Variants in DNAH6 observed in about 807,000 individuals in gnomAD.
DNAH6 encodes the protein dynein axonemal heavy chain 6, also known as axonemal beta dynein heavy chain 6.
A neutral mutation model predicts 491.4 loss-of-function variants in DNAH6; 340 were observed. The ratio of observed to expected loss-of-function variants is 0.69; its 90% CI spans 0.63 to 0.76. The LOEUF (loss-of-function observed/expected upper bound fraction) is 0.76, where lower values mean the gene tolerates loss of function less well. Among genes scored for constraint, DNAH6 ranks in the 30% least tolerant of loss-of-function variants. DNAH6 has a pLI of 0.00. For missense variants in DNAH6, 4,443 were observed against 4,972.2 expected (o/e 0.89, Z 3.20); for synonymous variants, 1,603 against 1,686.1 (o/e 0.95, Z 1.21).
intron 58 of DNAH6, among the ~76,000 whole-genome samples, chr2:84,716,120 CACATATAT>C (rs1273813360): frequency 2.7e-5 from 4 of 149,506 alleles, no homozygotes; most frequent in Non-Finnish European, 5.9e-5. Context: ...TATATATATA[CACATATAT>C]ACATATATAC....
At position 84,528,935 on chromosome 2, in the gene DNAH6, C is replaced by T. The variant is rs1053432608; in HGVS notation, c.431C>T (p.Pro144Leu). The change falls in exon 4 of 77, where the codon CCC becomes CTC. Residue 144 changes from proline (P) to leucine (L), a missense_variant. Pro to Leu is a moderately conservative substitution (Grantham distance 98). Around this residue, in one of 3 missense-constraint regions of DNAH6, gnomAD observed 2,977 missense variants for 3,296.6 expected, o/e 0.90. Coordinates refer to ENST00000389394, the MANE Select transcript of DNAH6 (RefSeq NM_001370.2). ...IHRPYVEVFS[P>L]SPPKLPHTGI... ...CGGCCCTATGTTGAGGTGTTCTCTCCCTCTCCTCCTAAACTGCCACATACT... is the reference window on the plus strand; with the variant it reads ...CGGCCCTATGTTGAGGTGTTCTCTCTCTCTCCTCCTAAACTGCCACATACT... 9.0e-6 allele frequency: 14 copies of T among 1,549,330 alleles called. No homozygotes were observed. Among genetic ancestry groups the T allele is most frequent in the Non-Finnish European group, 1.2e-5 (14 of 1,146,144 alleles).
At chr2:84,741,377 T>A (rs1258348162) in intron 62 of DNAH6, among the ~76,000 whole-genome samples, 1 of 152,168 alleles carries the variant, frequency 6.6e-6, no homozygotes, top group African/African-American at 2.4e-5. Context: ...AGCAGCCTGC[T>A]ACAGAGCTGT....
intron 11 of DNAH6, among the ~76,000 whole-genome samples, chr2:84,559,485 T>C (rs1483841550): frequency 6.6e-6 from 1 of 152,150 alleles, no homozygotes; most frequent in Admixed American, 6.5e-5. Flanking sequence ...CGGCAAAGGC[T>C]GTAGTGAGCC....
At chr2:84,748,455 C>T (rs1673168370) in intron 63 of DNAH6, among the ~76,000 whole-genome samples, 1 of 152,210 alleles carries the variant, frequency 6.6e-6, no homozygotes, top group African/African-American at 2.4e-5. Context: ...CAACCTTCCA[C>T]AAACCCCTAG....
chr2:84,507,223 G>T, the DNAH6 span, among the ~76,000 whole-genome samples: 4 of 152,114 alleles, frequency 2.6e-5, no homozygotes, highest in Admixed American at 1.3e-4. Flanking sequence ...CCATTTGTTT[G>T]TATCCTCTTT....
At chr2:84,597,789 A>G (rs1684753391) in intron 18 of DNAH6, among the ~76,000 whole-genome samples, 1 of 152,238 alleles carries the variant, frequency 6.6e-6, no homozygotes, top group African/African-American at 2.4e-5. Context: ...GTAAAATGAA[A>G]TTAAGTTGTA....
Position 84,816,091 on chromosome 2 carries a change from T to A in DNAH6, c.12373+8T>A. 1 of 1,541,330 alleles carries A rather than the reference T, an allele frequency of 6.5e-7. No homozygotes were observed. The highest frequency in any genetic ancestry group is 1.4e-5 in the African/African-American group (1 of 72,724). ...GAACACTCTCAACCACAGGTGAGGA[T>A]GTTCTTAAGATTAGTTCAAATAATG... On this transcript the variant is annotated splice_region_variant and intron_variant, in intron 76 of 76. Coordinates refer to ENST00000389394, the MANE Select transcript of DNAH6 (RefSeq NM_001370.2).
Position 84,654,755 on chromosome 2 carries a change from A to G in DNAH6, c.5730A>G (p.Lys1910=). ...AACTGAAATGGATGCCTTATGTTAA[A>G]ACTTGGATGAAGGGTATTTCTAAAA... ...PEELKWMPYV[K]TWMKGISKKL... The change falls in exon 35 of 77, where the codon AAA becomes AAG. Residue 1910 remains lysine (K), a synonymous_variant. Transcript: ENST00000389394. 1 of 1,551,128 alleles carries G rather than the reference A, an allele frequency of 6.4e-7. No homozygotes were observed. The highest frequency in any genetic ancestry group is 8.7e-7 in the Non-Finnish European group (1 of 1,146,326).
the DNAH6 span, among the ~76,000 whole-genome samples, chr2:84,509,702 G>A: frequency 6.6e-6 from 1 of 152,178 alleles, no homozygotes; most frequent in African/African-American, 2.4e-5. Flanking sequence ...TGTCTTTGCA[G>A]TGGCTGGTAC....
chr2:84,815,078 A>G (rs1490631971), intron 75 of DNAH6, among the ~76,000 whole-genome samples: 2 of 152,278 alleles, frequency 1.3e-5, no homozygotes, highest in African/African-American at 4.8e-5. Context: ...GTGGACACCC[A>G]GTAGGTAGCA....
At chr2:84,578,441 T>C (rs1293705770) in intron 13 of DNAH6, among the ~76,000 whole-genome samples, 1 of 152,148 alleles carries the variant, frequency 6.6e-6, no homozygotes, top group Non-Finnish European at 1.5e-5. Context: ...TATTGGCATA[T>C]GTATCTAAAA....
chr2:84,709,214 C>T, intron 54 of DNAH6, 129 bp from the exon 55 acceptor site: 1 of 894,024 alleles, frequency 1.1e-6, no homozygotes. Flanking sequence ...CTGATGCAAG[C>T]ACATCTGTGG....
chr2:84,670,126 C>T (rs1398504494), intron 38 of DNAH6, among the ~76,000 whole-genome samples: 1 of 152,150 alleles, frequency 6.6e-6, no homozygotes, highest in Non-Finnish European at 1.5e-5. Context: ...AAACTTTTTG[C>T]TAAGATAGTG....
At chr2:84,680,302 G>C (rs1383189562) in intron 41 of DNAH6, among the ~76,000 whole-genome samples, 1 of 152,028 alleles carries the variant, frequency 6.6e-6, no homozygotes, top group Non-Finnish European at 1.5e-5. Flanking sequence ...GTTACTCCAG[G>C]GTTAATGGTA....
intron 68 of DNAH6, among the ~76,000 whole-genome samples, chr2:84,791,821 C>A (rs184512044): frequency 1.3e-5 from 2 of 151,624 alleles, no homozygotes; most frequent in African/African-American, 4.8e-5. Context: ...TTGCTAATGG[C>A]GAGTTTTTTT....
intron 18 of DNAH6, among the ~76,000 whole-genome samples, chr2:84,602,102 A>G (rs1558780661): frequency 8.8e-5 from 1 of 11,412 alleles, no homozygotes; most frequent in African/African-American, 9.9e-5. Context: ...TTTTTGCTCC[A>G]GACAGTTATC....
chr2:84,630,695 A>G (rs1688319807), intron 29 of DNAH6, among the ~76,000 whole-genome samples: 1 of 152,230 alleles, frequency 6.6e-6, no homozygotes, highest in Non-Finnish European at 1.5e-5. Flanking sequence ...TAAAAGGATA[A>G]TATCAGTACC....
chr2:84,575,894 G>A (rs1030926787), intron 12 of DNAH6, among the ~76,000 whole-genome samples: 3 of 152,144 alleles, frequency 2.0e-5, no homozygotes, highest in Admixed American at 1.3e-4. Context: ...AAAAAAAAAG[G>A]AGAAAGAAAT....
chr2:84,588,155 C>T (rs140501850), intron 15 of DNAH6, among the ~76,000 whole-genome samples: 1 of 152,332 alleles, frequency 6.6e-6, no homozygotes, highest in East Asian at 1.9e-4. Flanking sequence ...GCCCCTTCTT[C>T]CTGGACACAT....
Sources: gnomAD v4.1 joint callset for allele counts (sites outside exome capture counted in the v4.1 genomes callset) on GRCh38, gnomAD v4.1.1 for gene constraint, gnomAD v4.1.1 regional missense constraint, MANE v1.5 for transcripts, NCBI Gene and HGNC (gene_info 2026-07-23, HGNC 2026-07-21) for gene names.